SLC35F3: variants seen among roughly 807,000 people sequenced by gnomAD.
SLC35F3 encodes the protein solute carrier family 35 member F3, also known as putative thiamine transporter SLC35F3.
Under a neutral mutation model 49.9 loss-of-function variants are expected in SLC35F3, and 25 were observed. The observed-to-expected ratio is 0.50, with a 90% CI of 0.37 to 0.70. The LOEUF is 0.70. SLC35F3 is among the 30% of genes least tolerant of loss of function. The probability of loss-of-function intolerance (pLI) is 0.00; values close to 1 mark genes in which losing one functional copy is unlikely to be tolerated. For missense variants in SLC35F3, 525 were observed against 639.8 expected, an observed-to-expected ratio of 0.82 and a Z score of 1.94; for synonymous variants, 275 against 265.4, an observed-to-expected ratio of 1.04 and a Z score of -0.35.
chr1:234,253,878 T>C (rs553080425), intron 3 of SLC35F3, among the ~76,000 whole-genome samples: 1 of 152,080 alleles, frequency 6.6e-6, no homozygotes, highest in Non-Finnish European at 1.5e-5. Flanking sequence ...ACAAGGAAGG[T>C]CAATGTCACT....
intron 3 of SLC35F3, among the ~76,000 whole-genome samples, chr1:234,269,581 A>G (rs1171362565): frequency 6.6e-6 from 1 of 151,252 alleles, no homozygotes; most frequent in Non-Finnish European, 1.5e-5. Flanking sequence ...AGAGCATGCT[A>G]TATTTCTAAG....
At chr1:234,247,647 G>T (rs1206812234) in intron 3 of SLC35F3, among the ~76,000 whole-genome samples, 1 of 151,880 alleles carries the variant, frequency 6.6e-6, no homozygotes, top group African/African-American at 2.4e-5. Flanking sequence ...CCATTGTTTG[G>T]GGGGCTGGTT....
intron 2 of SLC35F3, among the ~76,000 whole-genome samples, chr1:234,021,261 C>T (rs1364876210): frequency 5.3e-5 from 8 of 152,106 alleles, no homozygotes; most frequent in Admixed American, 5.2e-4. Flanking sequence ...AAAATGTGGT[C>T]TTGAAGCTGG....
rs116083689 is a variant in SLC35F3 at position 233,949,632 on chromosome 1, G to A, written c.283+43874G>A. Among the ~76,000 whole-genome samples the A allele has an allele frequency of 3.5e-3, 539 of 152,274 alleles. 3 individuals carry two copies. The highest frequency in any genetic ancestry group is 0.011 in the African/African-American group (468 of 41,560). On this transcript the variant is annotated intron_variant, in intron 2 of 7. Transcript: ENST00000366618. ...TTACAGAGCACTTGAGAAGCGTGCCGTCCAGAGAGACCTTAGCCCTTTTAC... is the reference window on the plus strand; with the variant it reads ...TTACAGAGCACTTGAGAAGCGTGCCATCCAGAGAGACCTTAGCCCTTTTAC...
chr1:233,906,157 T>C (rs1282547138), intron 2 of SLC35F3, among the ~76,000 whole-genome samples: 1 of 152,360 alleles, frequency 6.6e-6, no homozygotes, highest in East Asian at 1.9e-4. Flanking sequence ...CAGATGGAGA[T>C]GCTGACTTAC....
chr1:233,994,847 GAAA>G (rs113657320), intron 2 of SLC35F3, among the ~76,000 whole-genome samples: 6 of 143,484 alleles, frequency 4.2e-5, no homozygotes, highest in Non-Finnish European at 9.2e-5. Flanking sequence ...AAACAAACAA[GAAA>G]AAAAAAAACC....
In SLC35F3 at chr1:234,183,700, A is replaced by C. The variant is rs1204842257; in HGVS notation, c.284-47717A>C. ...AGTTTATCTTTTGTCAGTTAAGGAC[A>C]AGCTGTACAGTGTGGCTCCCATTAT... On this transcript the variant is annotated intron_variant, in intron 2 of 7. Coordinates refer to ENST00000366618, the MANE Select transcript of SLC35F3 (RefSeq NM_173508.4). 2.1e-5 allele frequency among the ~76,000 whole-genome samples: 3 copies of C among 142,968 alleles called. 1 individual carries two copies. The highest frequency in any genetic ancestry group is 4.5e-5 in the Non-Finnish European group (3 of 67,074). The allele number at this position is 142,968 out of a possible 152,430, so 93.8% of individuals were successfully genotyped here.
At chr1:234,194,685 TTAGAAACA>T (rs1331217603) in intron 2 of SLC35F3, among the ~76,000 whole-genome samples, 1 of 151,864 alleles carries the variant, frequency 6.6e-6, no homozygotes, top group Non-Finnish European at 1.5e-5. Flanking sequence ...CCTTAAAGGC[TTAGAAACA>T]TATGTGGGTG....
chr1:234,068,823 T>TATA (rs1664658316), intron 2 of SLC35F3, among the ~76,000 whole-genome samples: 1 of 71,184 alleles, frequency 1.4e-5, no homozygotes. Context: ...ATTTGAGACA[T>TATA]TATATATATA....
intron 2 of SLC35F3, among the ~76,000 whole-genome samples, chr1:234,083,516 A>C (rs888685111): frequency 1.3e-5 from 2 of 152,210 alleles, no homozygotes; most frequent in Admixed American, 6.5e-5. Context: ...AGAATCATAC[A>C]CATAGGGCTT....
intron 2 of SLC35F3, among the ~76,000 whole-genome samples, chr1:233,977,176 C>G (rs532611473): frequency 6.6e-6 from 1 of 152,332 alleles, no homozygotes; most frequent in East Asian, 1.9e-4. Context: ...ATATTGCAGC[C>G]CTGCACCTGC....
intron 2 of SLC35F3, among the ~76,000 whole-genome samples, chr1:234,015,205 G>A (rs1409927248): frequency 1.3e-5 from 2 of 152,052 alleles, no homozygotes; most frequent in Non-Finnish European, 2.9e-5. Context: ...AGTTAGCCAG[G>A]TGCGGTGTGG....
At chr1:234,304,036 T>TCCTC (rs1254637239) in intron 3 of SLC35F3, among the ~76,000 whole-genome samples, 2 of 42,244 alleles carry the variant, frequency 4.7e-5, no homozygotes, top group African/African-American at 1.8e-4. Context: ...CTTCCTTCCT[T>TCCTC]CCTTCCTTCT....
At chr1:233,937,270 T>A (rs1042411139) in intron 2 of SLC35F3, among the ~76,000 whole-genome samples, 1 of 152,198 alleles carries the variant, frequency 6.6e-6, no homozygotes, top group African/African-American at 2.4e-5. Context: ...TAAGGGCAAT[T>A]TAGAAAATGA....
intron 2 of SLC35F3, among the ~76,000 whole-genome samples, chr1:233,963,536 C>T (rs58252215): frequency 0.075 from 11,424 of 152,018 alleles, 625 homozygotes; most frequent in East Asian, 0.22. Context: ...CTCCTGATCT[C>T]GTGATCTGCC....
intron 2 of SLC35F3, among the ~76,000 whole-genome samples, chr1:234,123,641 C>T (rs1384960886): frequency 6.6e-6 from 1 of 150,710 alleles, no homozygotes; most frequent in Non-Finnish European, 1.5e-5. Context: ...TATTCTTGAA[C>T]TCCTGGGCTC....
At chr1:234,207,007 G>A (rs1007390305) in intron 2 of SLC35F3, among the ~76,000 whole-genome samples, 1 of 152,144 alleles carries the variant, frequency 6.6e-6, no homozygotes, top group Non-Finnish European at 1.5e-5. Context: ...CCAGCCAAGG[G>A]AGCTGTCTCC....
chr1:234,122,877 A>G (rs1665596872), intron 2 of SLC35F3, among the ~76,000 whole-genome samples: 1 of 152,212 alleles, frequency 6.6e-6, no homozygotes, highest in South Asian at 2.1e-4. Context: ...ATTGATGGGC[A>G]TTTGGGTTGG....
rs79081154 is a variant in SLC35F3, at chr1:233,988,175, C to T, written c.283+82417C>T. ...AGCAGTGAGCTTCATTTCAGGGTCACGGTCTAGGGATCAGATGGTTTCATT... is the reference window on the plus strand; with the variant it reads ...AGCAGTGAGCTTCATTTCAGGGTCATGGTCTAGGGATCAGATGGTTTCATT... On this transcript the variant is annotated intron_variant, in intron 2 of 7. Transcript: ENST00000366618. Among the ~76,000 whole-genome samples the T allele has an allele frequency of 8.3e-3, 1,267 of 152,238 alleles. 21 individuals carry two copies. Among genetic ancestry groups the T allele is most frequent in the African/African-American group, 0.028 (1,179 of 41,528 alleles).
Sources: gnomAD v4.1 joint callset for allele counts (sites outside exome capture counted in the v4.1 genomes callset) on GRCh38, gnomAD v4.1.1 for gene constraint, MANE v1.5 for transcripts, NCBI Gene and HGNC (gene_info 2026-07-23, HGNC 2026-07-21) for gene names.